The following CSMD1 variants were observed in gnomAD, a reference collection of about 807,000 sequenced individuals.
CSMD1 encodes CUB and Sushi multiple domains 1.
A neutral mutation model predicts 417.5 loss-of-function variants in CSMD1; 213 were observed. The ratio of observed to expected loss-of-function variants is 0.51; its 90% CI spans 0.46 to 0.57. The LOEUF (loss-of-function observed/expected upper bound fraction) is 0.57, where lower values mean the gene tolerates loss of function less well. Ranked by LOEUF, CSMD1 falls within the 20% of genes least tolerant of loss-of-function variation. The pLI is 0.00. For missense variants in CSMD1, 6,923 were observed against 4,529.7 expected, an observed-to-expected ratio of 1.53 and a Z score of -15.17; for synonymous variants, 2,862 against 1,736.8, an observed-to-expected ratio of 1.65 and a Z score of -16.11.
chr8:3,966,746 C>A (rs1416385847), intron 5 of CSMD1, among the ~76,000 whole-genome samples: 2 of 102,328 alleles, frequency 2.0e-5, no homozygotes, highest in African/African-American at 7.6e-5. Flanking sequence ...CACACACACA[C>A]ACACACACGC....
At chr8:3,060,286 C>T (rs11776100) in intron 49 of CSMD1, among the ~76,000 whole-genome samples, 28,192 of 151,714 alleles carry the variant, frequency 0.19, 3,174 homozygotes, top group Non-Finnish European at 0.25. Context: ...GCTGGGATTA[C>T]AGGCGTGCAC....
chr8:3,022,915 C>T (rs1459021063), intron 51 of CSMD1, among the ~76,000 whole-genome samples: 1 of 152,142 alleles, frequency 6.6e-6, no homozygotes, highest in Non-Finnish European at 1.5e-5. Flanking sequence ...ACATAGGAAG[C>T]CTGGCACAAA....
chr8:3,162,193 A>G lies in CSMD1; in HGVS notation c.5810T>C (p.Leu1937Pro), dbSNP rs1170928208. Residue 1937 changes from leucine (L) to proline (P), a missense_variant, in exon 38 of 70, where the codon CTC (leucine) becomes CCC (proline). Transcript: ENST00000635120. ...IGDRYMVNDV[L>P]SFQCEPGYTL... is the part of the protein sequence containing the mutation. The stretch of plus-strand genomic sequence containing the variant: ...GTACCCGGGCTCGCACTGGAAGGAG[A>G]GCACGTCGTTCACCATGTACCGATC... 6.2e-7 allele frequency: 1 copy of G among 1,610,160 alleles called. No individual in the cohort carries two copies. The highest frequency in any genetic ancestry group is 8.5e-7 in the Non-Finnish European group (1 of 1,178,352).
intron 5 of CSMD1, among the ~76,000 whole-genome samples, chr8:3,962,326 T>A (rs1378379389): frequency 2.3e-4 from 5 of 21,804 alleles, no homozygotes; most frequent in Non-Finnish European, 4.3e-4. Flanking sequence ...CAGTGACAGA[T>A]TATGCAGGAT....
At chr8:3,102,722 G>A (rs1396007978) in intron 46 of CSMD1, among the ~76,000 whole-genome samples, 1 of 152,150 alleles carries the variant, frequency 6.6e-6, no homozygotes, top group Non-Finnish European at 1.5e-5. Flanking sequence ...ATTAAAAGCT[G>A]AAAGAGCCAG....
At chr8:3,671,076 T>C (rs1029368458) in intron 7 of CSMD1, among the ~76,000 whole-genome samples, 1 of 137,580 alleles carries the variant, frequency 7.3e-6, no homozygotes, top group African/African-American at 2.5e-5. Context: ...ATATGGGATA[T>C]ATACATATAA....
chr8:4,226,387 C>A (rs574264796), intron 3 of CSMD1, among the ~76,000 whole-genome samples: 1 of 152,220 alleles, frequency 6.6e-6, no homozygotes, highest in South Asian at 2.1e-4. Flanking sequence ...AATTACAACC[C>A]TCTCTGAAAA....
chr8:3,842,723 G>C (rs573761737), intron 5 of CSMD1, among the ~76,000 whole-genome samples: 83 of 151,914 alleles, frequency 5.5e-4, no homozygotes, highest in Non-Finnish European at 1.0e-3. Flanking sequence ...CAAAAAATGT[G>C]TCAAGATTAA....
At chr8:4,857,605 A>G (rs1418263312) in intron 1 of CSMD1, among the ~76,000 whole-genome samples, 2 of 152,212 alleles carry the variant, frequency 1.3e-5, no homozygotes, top group Non-Finnish European at 2.9e-5. Flanking sequence ...CCACAGAAAT[A>G]CAAACTACCA....
intron 12 of CSMD1, among the ~76,000 whole-genome samples, chr8:3,456,520 T>C (rs1433628258): frequency 6.6e-6 from 1 of 152,148 alleles, no homozygotes; most frequent in South Asian, 2.1e-4. Context: ...ACCATGTGCT[T>C]TGTGGTTATC....
intron 5 of CSMD1, among the ~76,000 whole-genome samples, chr8:3,788,510 G>C (rs911790187): frequency 2.6e-5 from 4 of 152,202 alleles, no homozygotes; most frequent in South Asian, 2.1e-4. Flanking sequence ...AGGATCAATA[G>C]TTTCCTTCAT....
chr8:4,115,942 C>T (rs1462225759), intron 3 of CSMD1, among the ~76,000 whole-genome samples: 6 of 151,554 alleles, frequency 4.0e-5, no homozygotes, highest in South Asian at 2.1e-4. Context: ...AAGTAAACAC[C>T]AAGAAAACAG....
At chr8:4,587,493 G>A (rs572816045) in intron 2 of CSMD1, among the ~76,000 whole-genome samples, 1 of 151,590 alleles carries the variant, frequency 6.6e-6, no homozygotes, top group Non-Finnish European at 1.5e-5. Flanking sequence ...GTACATATAT[G>A]TATATATATA....
At chr8:2,948,658 A>G (rs1157475603) in intron 68 of CSMD1, among the ~76,000 whole-genome samples, 1 of 152,146 alleles carries the variant, frequency 6.6e-6, no homozygotes, top group Non-Finnish European at 1.5e-5. Context: ...GGTTATTTCT[A>G]AGTTCCACTA....
intron 1 of CSMD1, among the ~76,000 whole-genome samples, chr8:4,805,117 G>C (rs1246400646): frequency 6.6e-6 from 1 of 152,160 alleles, no homozygotes; most frequent in African/African-American, 2.4e-5. Flanking sequence ...CATATAAAAT[G>C]AGGTATAGAC....
At chr8:4,861,862 C>T (rs1289180647) in intron 1 of CSMD1, among the ~76,000 whole-genome samples, 1 of 152,020 alleles carries the variant, frequency 6.6e-6, no homozygotes, top group East Asian at 1.9e-4. Context: ...GGTTAGTTCT[C>T]AAGAAGCAGA....
chr8:4,259,543 T>A (rs1803725645), intron 3 of CSMD1, among the ~76,000 whole-genome samples: 1 of 151,890 alleles, frequency 6.6e-6, no homozygotes, highest in African/African-American at 2.4e-5. Context: ...AAATGTCTTT[T>A]TTTTTTTGAT....
At chr8:3,725,104 T>C (rs1293982404) in intron 6 of CSMD1, among the ~76,000 whole-genome samples, 1 of 151,946 alleles carries the variant, frequency 6.6e-6, no homozygotes, top group Non-Finnish European at 1.5e-5. Context: ...GTTTGGAAGG[T>C]GAGTTTTCAG....
rs556344550 is a variant in CSMD1, at chr8:2,950,250, T to C, written c.10295A>G (p.Asn3432Ser). 2.0e-5 allele frequency: 32 copies of C among 1,610,656 alleles called. No individual in the cohort carries two copies. Among genetic ancestry groups the C allele is most frequent in the East Asian group, 4.5e-5 (2 of 44,864 alleles). ...DIFVSKFEND[N>S]WGLDGYVSSG... ...ACTTACATAACCATCTAGTCCCCAG[T>C]TGTCATTTTCGAACTTGCTTACAAA... Residue 3432 changes from asparagine to serine, a missense_variant, in exon 67 of 70, where the codon AAC (asparagine) becomes AGC (serine). Transcript: ENST00000635120.
Sources: allele counts gnomAD v4.1 joint callset (sites outside exome capture counted in the v4.1 genomes callset), GRCh38; gene constraint gnomAD v4.1.1; transcripts MANE v1.5; gene names NCBI Gene and HGNC (gene_info 2026-07-23, HGNC 2026-07-21).